Variants in CHLSN observed in about 807,000 individuals in gnomAD.
CHLSN encodes the protein cholesin.
At chr7:993,432 T>A in the CHLSN span, among the ~76,000 whole-genome samples, 1 of 149,868 alleles carries the variant, frequency 6.7e-6, no homozygotes, top group East Asian at 2.0e-4. Flanking sequence ...GGGAGAGGAG[T>A]GGGGAGCGGA....
At chr7:1,008,808 G>C in the CHLSN span, among the ~76,000 whole-genome samples, 35 of 120,700 alleles carry the variant, frequency 2.9e-4, no homozygotes, top group Non-Finnish European at 4.8e-4. Flanking sequence ...GTGTATACAT[G>C]TACACACGCA....
the CHLSN span, chr7:987,274 TC>T: frequency 6.6e-7 from 1 of 1,504,496 alleles, no homozygotes. Context: ...GCGAGACGGC[TC>T]CTTCTGCCCC....
the CHLSN span, among the ~76,000 whole-genome samples, chr7:996,416 G>A: frequency 6.6e-6 from 1 of 152,226 alleles, no homozygotes; most frequent in Non-Finnish European, 1.5e-5. Context: ...GCCAGGTGGC[G>A]GCTGCAGCTA....
chr7:1,005,613 C>T, the CHLSN span, among the ~76,000 whole-genome samples: 31 of 152,334 alleles, frequency 2.0e-4, no homozygotes, highest in Admixed American at 1.2e-3. Flanking sequence ...CCCTAAGCTC[C>T]GCTGATGGGA....
chr7:1,028,247 C>G, the CHLSN span: 1 of 1,095,982 alleles, frequency 9.1e-7, no homozygotes, highest in Non-Finnish European at 1.1e-6. Flanking sequence ...GCCCTGGCCC[C>G]GCGCACTGAC....
At chr7:1,123,254 C>T in the CHLSN span, among the ~76,000 whole-genome samples, 6 of 152,212 alleles carry the variant, frequency 3.9e-5, no homozygotes, top group African/African-American at 7.2e-5. This position sits in a 1 kb window ranked among gnomAD's most constrained non-coding sequence, Gnocchi z 4.4. Context: ...CCCCAAGGGG[C>T]GATGAAGTTC....
At chr7:988,923 G>A in the CHLSN span, 78 of 757,998 alleles carry the variant, frequency 1.0e-4, 1 homozygote, top group African/African-American at 1.3e-3. Context: ...GCTCTGGGAG[G>A]GCCCTGAGGA....
At chr7:1,045,347 C>G in the CHLSN span, 8 of 152,320 alleles carry the variant, frequency 5.3e-5, no homozygotes, top group Non-Finnish European at 1.0e-4. Context: ...CCTTTGATCT[C>G]TTCCCTGCCC....
the CHLSN span, among the ~76,000 whole-genome samples, chr7:1,126,755 T>C: frequency 6.6e-6 from 1 of 152,212 alleles, no homozygotes; most frequent in Non-Finnish European, 1.5e-5. Flanking sequence ...TGGTGGATAC[T>C]CAAATCTCAA....
chr7:1,064,899 G>A, the CHLSN span, among the ~76,000 whole-genome samples: 1 of 152,216 alleles, frequency 6.6e-6, no homozygotes, highest in African/African-American at 2.4e-5. Flanking sequence ...GGGAAACGCC[G>A]GGTCAAGCGA....
At chr7:1,024,891 A>G in the CHLSN span, 1 of 152,302 alleles carries the variant, frequency 6.6e-6, no homozygotes, top group African/African-American at 2.4e-5. Context: ...CCCCAGCTGG[A>G]GCACACTCTT....
chr7:1,103,897 A>C, the CHLSN span, among the ~76,000 whole-genome samples: 1 of 152,208 alleles, frequency 6.6e-6, no homozygotes, highest in Non-Finnish European at 1.5e-5. Flanking sequence ...CCGGTGGGGC[A>C]GGGGAGAGCT....
the CHLSN span, among the ~76,000 whole-genome samples, chr7:1,096,325 C>T: frequency 9.8e-5 from 15 of 152,318 alleles, no homozygotes; most frequent in Admixed American, 2.0e-4. This position sits in a 1 kb window ranked among gnomAD's most constrained non-coding sequence, Gnocchi z 4.6. Context: ...ACACGAGCGA[C>T]AGGCACCCAG....
chr7:1,051,635 C>T, the CHLSN span, among the ~76,000 whole-genome samples: 36 of 152,178 alleles, frequency 2.4e-4, no homozygotes, highest in African/African-American at 5.1e-4. Flanking sequence ...TTGGGAAGGA[C>T]GGGCAGTAGG....
At chr7:1,063,863 T>C in the CHLSN span, among the ~76,000 whole-genome samples, 16 of 152,342 alleles carry the variant, frequency 1.1e-4, no homozygotes, top group African/African-American at 3.8e-4. Flanking sequence ...CCCCTGTACC[T>C]GTGCTGTTCT....
At chr7:984,218 C>T in the CHLSN span, among the ~76,000 whole-genome samples, 10 of 152,218 alleles carry the variant, frequency 6.6e-5, no homozygotes, top group Non-Finnish European at 1.0e-4. Context: ...GGCGAGAGGG[C>T]TCTGTGGGCT....
At chr7:1,120,795 G>A in the CHLSN span, among the ~76,000 whole-genome samples, 101 of 146,062 alleles carry the variant, frequency 6.9e-4, no homozygotes, top group African/African-American at 2.1e-3. Flanking sequence ...ATTTTACTCA[G>A]CCCCAAAAAT....
the CHLSN span, chr7:1,000,501 C>T: frequency 6.2e-7 from 1 of 1,608,856 alleles, no homozygotes; most frequent in Non-Finnish European, 8.5e-7. Context: ...CAGCAGGAGC[C>T]ACGTCTGCCT....
chr7:1,062,357 A>C, the CHLSN span, among the ~76,000 whole-genome samples: 1 of 152,202 alleles, frequency 6.6e-6, no homozygotes, highest in Non-Finnish European at 1.5e-5. Flanking sequence ...AAAGTATCAT[A>C]AAATTGGTTA....
Sources: gnomAD v4.1 joint callset for allele counts (sites outside exome capture counted in the v4.1 genomes callset) on GRCh38, gnomAD v4.1.1 for gene constraint, Gnocchi (gnomAD v3.1) non-coding constraint, MANE v1.5 for transcripts, NCBI Gene and HGNC (gene_info 2026-07-23, HGNC 2026-07-21) for gene names.